Variants in GABRB3 observed in about 807,000 individuals in gnomAD.
GABRB3 encodes gamma-aminobutyric acid type A receptor subunit beta3.
Under a neutral mutation model 52.1 loss-of-function variants are expected in GABRB3, and 14 were observed. The ratio of observed to expected loss-of-function variants is 0.27; its 90% CI spans 0.18 to 0.42. The LOEUF (loss-of-function observed/expected upper bound fraction) is 0.42. GABRB3 is among the 10% of genes least tolerant of loss of function. The pLI is 1.00. For missense variants in GABRB3, 307 were observed against 609.1 expected, an observed-to-expected ratio of 0.50 and a Z score of 5.22; for synonymous variants, 260 against 232.3, an observed-to-expected ratio of 1.12 and a Z score of -1.08.
chr15:26,611,761 A>T (rs1348017965), intron 4 of GABRB3: 1 of 152,222 alleles, frequency 6.6e-6, no homozygotes, highest in Admixed American at 6.5e-5. Context: ...TTTTAAAATG[A>T]GATAGAAAAT....
chr15:26,654,575 T>C (rs920048640), intron 3 of GABRB3, among the ~76,000 whole-genome samples: 1 of 152,118 alleles, frequency 6.6e-6, no homozygotes, highest in Non-Finnish European at 1.5e-5. Flanking sequence ...AGCAACATAG[T>C]GAGACCCCGT....
intron 3 of GABRB3, among the ~76,000 whole-genome samples, chr15:26,627,510 T>C (rs1188447457): frequency 3.3e-5 from 5 of 151,154 alleles, no homozygotes; most frequent in Non-Finnish European, 7.4e-5. Flanking sequence ...ACATTCATGA[T>C]TTATAGGAGG....
intron 3 of GABRB3, among the ~76,000 whole-genome samples, chr15:26,733,544 T>C (rs1889987818): frequency 6.6e-6 from 1 of 152,162 alleles, no homozygotes; most frequent in African/African-American, 2.4e-5. Flanking sequence ...TTTTGAAGAC[T>C]TAACATTAAG....
intron 4 of GABRB3, among the ~76,000 whole-genome samples, chr15:26,618,561 A>C (rs1892353435): frequency 6.6e-6 from 1 of 152,206 alleles, no homozygotes; most frequent in East Asian, 1.9e-4. Flanking sequence ...AACCATAAAA[A>C]CCCTAGAAGA....
intron 6 of GABRB3, among the ~76,000 whole-genome samples, chr15:26,571,710 A>G (rs1486304518): frequency 1.3e-5 from 2 of 152,212 alleles, no homozygotes; most frequent in Admixed American, 6.5e-5. Flanking sequence ...ATTCGCCAAG[A>G]TACTCATTGA....
At chr15:26,748,250 CCCT>C (rs1287533826) in intron 3 of GABRB3, among the ~76,000 whole-genome samples, 1 of 151,924 alleles carries the variant, frequency 6.6e-6, no homozygotes, top group Non-Finnish European at 1.5e-5. Context: ...GGGAATGGTT[CCCT>C]CCTCTTCTAT....
At chr15:26,554,021 T>TTTTATTTATATATATATATA (rs1555400756) in intron 8 of GABRB3, among the ~76,000 whole-genome samples, 23 of 23,682 alleles carry the variant, frequency 9.7e-4, no homozygotes, top group African/African-American at 4.2e-3. Context: ...ACCTGACTAT[T>TTTTATTTATATATATATATA]TATATATATA....
chr15:26,655,799 C>T (rs539134066), intron 3 of GABRB3, among the ~76,000 whole-genome samples: 1 of 151,610 alleles, frequency 6.6e-6, no homozygotes, highest in African/African-American at 2.4e-5. Context: ...CCTGTTGGTG[C>T]CTGTATACCT....
At position 26,582,212 on chromosome 15, in the gene GABRB3, C is replaced by T. The variant is rs567540928; in HGVS notation, c.544+1120G>A. On this transcript the variant is annotated intron_variant, in intron 5 of 8. Coordinates refer to ENST00000311550, the MANE Select transcript of GABRB3 (RefSeq NM_000814.6). The stretch of plus-strand genomic sequence containing the variant: ...ATACACCACTGCCCATACACCACAG[C>T]GGCAGAGTCCTCTCTCTCAGGAGTC... Among the ~76,000 whole-genome samples, 107 of 152,298 alleles carry T rather than the reference C, an allele frequency of 7.0e-4. 1 individual carries two copies. The South Asian group carries it at 0.021, about 30-fold the overall frequency.
At chr15:26,675,831 T>C (rs1311490245) in intron 3 of GABRB3, among the ~76,000 whole-genome samples, 1 of 152,144 alleles carries the variant, frequency 6.6e-6, no homozygotes, top group East Asian at 1.9e-4. Flanking sequence ...AGGCAGATGG[T>C]AAATGAGAAA....
At chr15:26,668,157 G>A (rs1887773494) in intron 3 of GABRB3, among the ~76,000 whole-genome samples, 2 of 151,930 alleles carry the variant, frequency 1.3e-5, no homozygotes, top group Admixed American at 6.6e-5. Flanking sequence ...CTATAGAAAG[G>A]GAACAGTAAC....
intron 3 of GABRB3, among the ~76,000 whole-genome samples, chr15:26,728,759 C>A (rs1040927041): frequency 1.3e-5 from 2 of 152,188 alleles, no homozygotes; most frequent in African/African-American, 4.8e-5. Context: ...CATGTTGTTA[C>A]CTGTATGTTA....
chr15:26,569,072 C>T, intron 6 of GABRB3, among the ~76,000 whole-genome samples: 1 of 152,164 alleles, frequency 6.6e-6, no homozygotes, highest in Non-Finnish European at 1.5e-5. Context: ...TCTCCTCCTA[C>T]TCCAAGCCTG....
At chr15:26,742,176 C>A (rs1435258455) in intron 3 of GABRB3, among the ~76,000 whole-genome samples, 1 of 152,142 alleles carries the variant, frequency 6.6e-6, no homozygotes, top group Non-Finnish European at 1.5e-5. Context: ...TTGATACTGA[C>A]TGCCTCCCAA....
At chr15:26,717,138 C>T (rs140440765) in intron 3 of GABRB3, among the ~76,000 whole-genome samples, 1,606 of 147,172 alleles carry the variant, frequency 0.011, 121 homozygotes, top group African/African-American at 0.039. Context: ...GACAGCCCAG[C>T]TCTGAGGACC....
chr15:26,697,781 T>C (rs2140675030), intron 3 of GABRB3, among the ~76,000 whole-genome samples: 1 of 152,214 alleles, frequency 6.6e-6, no homozygotes, highest in Non-Finnish European at 1.5e-5. Flanking sequence ...CTGCAAGCCC[T>C]CACTGAAGAA....
chr15:26,638,227 G>A (rs1893106608), intron 3 of GABRB3, among the ~76,000 whole-genome samples: 1 of 152,018 alleles, frequency 6.6e-6, no homozygotes, highest in Non-Finnish European at 1.5e-5. Flanking sequence ...CCCCCAAAGG[G>A]CACTCTTTTG....
chr15:26,745,014 G>A (rs1304114230), intron 3 of GABRB3, among the ~76,000 whole-genome samples: 1 of 152,140 alleles, frequency 6.6e-6, no homozygotes, highest in Non-Finnish European at 1.5e-5. Flanking sequence ...TTTTACTCAT[G>A]GTGGATGGTG....
At chr15:26,630,945 G>C (rs1175719015) in intron 3 of GABRB3, among the ~76,000 whole-genome samples, 3 of 152,216 alleles carry the variant, frequency 2.0e-5, no homozygotes, top group Admixed American at 1.3e-4. Context: ...AAAAAGGGTT[G>C]TTAGGTTTCA....
Sources: gnomAD v4.1 joint callset for allele counts (sites outside exome capture counted in the v4.1 genomes callset) on GRCh38, gnomAD v4.1.1 for gene constraint, MANE v1.5 for transcripts, NCBI Gene and HGNC (gene_info 2026-07-23, HGNC 2026-07-21) for gene names.